Variants in LAMA2 observed in about 807,000 individuals in gnomAD.
LAMA2 encodes the protein laminin subunit alpha 2, also known as laminin subunit alpha-2.
Under a neutral mutation model 364.8 loss-of-function variants are expected in LAMA2, and 269 were observed. The ratio of observed to expected loss-of-function variants is 0.74; its 90% CI spans 0.67 to 0.82. The LOEUF (loss-of-function observed/expected upper bound fraction) is 0.82. Among genes scored for constraint, LAMA2 ranks in the 40% least tolerant of loss-of-function variants. The pLI is 0.00. For missense variants in LAMA2, 3,807 were observed against 3,873.2 expected (o/e 0.98, Z 0.45); for synonymous variants, 1,379 against 1,370.6 (o/e 1.01, Z -0.14).
rs1451218285 is a variant in LAMA2 at position 129,315,907 on chromosome 6, C to T, written c.3881C>T (p.Pro1294Leu). 5 of 1,614,074 alleles carry T rather than the reference C, an allele frequency of 3.1e-6. No homozygotes were observed. The South Asian group carries it at 4.4e-5, about 14-fold the overall frequency. ...ARIIVRHMAA[P>L]LIGQLTRHEI... ...ATTATCGTCAGGCATATGGCTGCTC[C>T]TCTGATTGGCCAATTGACAAGGCAT... is the stretch of plus-strand genomic sequence containing the variant. Residue 1294 changes from proline (P) to leucine (L), a missense_variant, in exon 26 of 65, where the codon CCT (proline) becomes CTT (leucine). Transcript: ENST00000421865.
intron 41 of LAMA2, among the ~76,000 whole-genome samples, chr6:129,432,552 GGCGTTTT>G (rs1781648902): frequency 6.6e-6 from 1 of 152,158 alleles, no homozygotes; most frequent in Admixed American, 6.5e-5. Flanking sequence ...GAGATTCTAT[GGCGTTTT>G]TTGCAAGTAA....
intron 1 of LAMA2, among the ~76,000 whole-genome samples, chr6:128,895,270 C>G (rs1776696764): frequency 6.6e-6 from 1 of 151,944 alleles, no homozygotes; most frequent in South Asian, 2.1e-4. Context: ...TTTCACTTGC[C>G]CAAACTATAG....
At chr6:129,314,408 A>AAAAAAAAG in intron 23 of LAMA2, among the ~76,000 whole-genome samples, 1 of 151,558 alleles carries the variant, frequency 6.6e-6, no homozygotes, top group East Asian at 1.9e-4. Context: ...CAAAAAAAAA[A>AAAAAAAAG]AAAAAAAAAA....
intron 11 of LAMA2, among the ~76,000 whole-genome samples, chr6:129,191,068 T>C (rs946925560): frequency 6.6e-6 from 1 of 152,008 alleles, no homozygotes; most frequent in Non-Finnish European, 1.5e-5. Context: ...TGCAGAATGG[T>C]AGGAAATGGG....
At chr6:129,166,358 A>T (rs575384223) in intron 9 of LAMA2, among the ~76,000 whole-genome samples, 43 of 152,298 alleles carry the variant, frequency 2.8e-4, no homozygotes, top group Admixed American at 1.3e-3. Flanking sequence ...ATGCACTGGG[A>T]CGCTTCTTCT....
intron 2 of LAMA2, among the ~76,000 whole-genome samples, chr6:129,052,673 T>C (rs1005115769): frequency 6.6e-6 from 1 of 152,214 alleles, no homozygotes; most frequent in East Asian, 1.9e-4. Flanking sequence ...GGTTTACTTT[T>C]GGTGGTGTAC....
At chr6:129,427,360 A>G (rs770077892) in intron 40 of LAMA2, among the ~76,000 whole-genome samples, 45 of 152,346 alleles carry the variant, frequency 3.0e-4, no homozygotes, top group Non-Finnish European at 4.3e-4. Flanking sequence ...TGACTTCTGT[A>G]GCACGTCATA....
At chr6:129,219,865 T>TATACCTAAC (rs1431275175) in intron 12 of LAMA2, among the ~76,000 whole-genome samples, 1 of 149,404 alleles carries the variant, frequency 6.7e-6, no homozygotes, top group East Asian at 1.9e-4. Context: ...CATTAGGAGA[T>TATACCTAAC]GCTAAATGAC....
chr6:129,161,239 G>GAT (rs1779422906), intron 8 of LAMA2, among the ~76,000 whole-genome samples: 3 of 151,880 alleles, frequency 2.0e-5, no homozygotes, highest in Non-Finnish European at 4.4e-5. Flanking sequence ...TGTATGGTAT[G>GAT]TTTTTTCTGA....
At position 129,464,463 on chromosome 6, in the gene LAMA2, T is replaced by C; in HGVS notation, c.7155+11T>C. On this transcript the variant is annotated intron_variant, in intron 50 of 64. Coordinates refer to ENST00000421865, the MANE Select transcript of LAMA2 (RefSeq NM_000426.4). ...GCCACACGAGACCTGGTAAAGATCATATGCATAGCAGAGTTTCCGTGACTA... is the reference window on the plus strand; with the variant it reads ...GCCACACGAGACCTGGTAAAGATCACATGCATAGCAGAGTTTCCGTGACTA... 2 of 1,607,658 alleles carry C rather than the reference T, an allele frequency of 1.2e-6. No individual in the cohort carries two copies. Among genetic ancestry groups the C allele is most frequent in the Non-Finnish European group, 1.7e-6 (2 of 1,174,492 alleles).
chr6:129,361,066 A>C (rs2114609089), intron 32 of LAMA2, among the ~76,000 whole-genome samples: 1 of 152,344 alleles, frequency 6.6e-6, no homozygotes, highest in South Asian at 2.1e-4. Flanking sequence ...TTGCTATCAA[A>C]GGCACACACT....
At chr6:128,911,314 G>C (rs1777927189) in intron 1 of LAMA2, among the ~76,000 whole-genome samples, 1 of 152,200 alleles carries the variant, frequency 6.6e-6, no homozygotes, top group Admixed American at 6.5e-5. Flanking sequence ...TACCTTCCCA[G>C]CCAGGTGCAG....
intron 49 of LAMA2, among the ~76,000 whole-genome samples, chr6:129,461,546 A>G (rs1235085954): frequency 6.6e-6 from 1 of 152,032 alleles, no homozygotes; most frequent in Non-Finnish European, 1.5e-5. Context: ...ATATTCTGCT[A>G]CTCACAAACC....
intron 8 of LAMA2, among the ~76,000 whole-genome samples, chr6:129,156,229 T>G (rs1779105199): frequency 6.6e-6 from 1 of 151,366 alleles, no homozygotes; most frequent in African/African-American, 2.4e-5. Flanking sequence ...TATATACAAT[T>G]TTGTCAAAAA....
intron 20 of LAMA2, 101 bp from the exon 21 acceptor site, chr6:129,297,584 C>G: frequency 9.1e-7 from 1 of 1,101,424 alleles, no homozygotes; most frequent in Non-Finnish European, 1.4e-6. Context: ...CTGATAACTC[C>G]TAAGTTCCTC....
At chr6:128,900,268 C>T (rs550605092) in intron 1 of LAMA2, among the ~76,000 whole-genome samples, 1 of 152,276 alleles carries the variant, frequency 6.6e-6, no homozygotes, top group African/African-American at 2.4e-5. Flanking sequence ...TAAGGCGGAG[C>T]TGGCCCTTCA....
At chr6:129,110,510 A>G (rs1478802) in intron 4 of LAMA2, among the ~76,000 whole-genome samples, 39,900 of 151,924 alleles carry the variant, frequency 0.26, 5,985 homozygotes, top group African/African-American at 0.42. Context: ...TGGATTAACT[A>G]TTGTTTGTGT....
rs2114627240 is a variant in LAMA2, at chr6:129,369,894, C to T, written c.4863C>T (p.His1621=). The change falls in exon 34 of 65, where the codon CAC becomes CAT. Residue 1621 remains histidine (H), a splice_region_variant and synonymous_variant. Coordinates refer to ENST00000421865, the MANE Select transcript of LAMA2 (RefSeq NM_000426.4). ...GLENMTQELK[H]LLSPQRAPER... ...TTATGGGATGGAATCTTTTTCAGCA[C>T]TTGCTGTCACCTCAGCGGGCCCCAG... is the stretch of plus-strand genomic sequence containing the variant. 1 of 1,613,838 alleles carries T rather than the reference C, an allele frequency of 6.2e-7. No homozygotes were observed. The highest frequency in any genetic ancestry group is 8.5e-7 in the Non-Finnish European group (1 of 1,179,740).
At chr6:129,160,404 T>A (rs1343714862) in intron 8 of LAMA2, among the ~76,000 whole-genome samples, 1 of 152,134 alleles carries the variant, frequency 6.6e-6, no homozygotes, top group African/African-American at 2.4e-5. Flanking sequence ...TGCCTTATTA[T>A]CTTCTTGAAG....
Sources: gnomAD v4.1 joint callset for allele counts (sites outside exome capture counted in the v4.1 genomes callset) on GRCh38, gnomAD v4.1.1 for gene constraint, MANE v1.5 for transcripts, NCBI Gene and HGNC (gene_info 2026-07-23, HGNC 2026-07-21) for gene names.